The following CAPN13 variants were observed in gnomAD, a reference collection of about 807,000 sequenced individuals.
CAPN13 encodes calpain 13.
In CAPN13, 90 loss-of-function variants were observed where a neutral mutation model predicts 98.4. That is an observed-to-expected ratio of 0.92 (90% CI 0.77 to 1.09). The LOEUF (loss-of-function observed/expected upper bound fraction) is 1.09, where lower values mean the gene tolerates loss of function less well. Ranked by LOEUF, CAPN13 falls within the 50% of genes least tolerant of loss-of-function variation. The pLI is 0.00. For missense variants in CAPN13, 887 were observed against 841.3 expected (o/e 1.05, Z -0.67); for synonymous variants, 330 against 305.5 (o/e 1.08, Z -0.84).
At chr2:30,744,200 G>A (rs1236075031) in intron 12 of CAPN13, among the ~76,000 whole-genome samples, 1 of 152,168 alleles carries the variant, frequency 6.6e-6, no homozygotes, top group African/African-American at 2.4e-5. Flanking sequence ...CCCCACTATA[G>A]TCAAGCATAG....
In CAPN13 at chr2:30,743,492, T is replaced by C; in HGVS notation, c.1336A>G (p.Thr446Ala). 1 of 1,614,000 alleles carries C rather than the reference T, an allele frequency of 6.2e-7. No homozygotes were observed. The highest frequency in any genetic ancestry group is 8.5e-7 in the Non-Finnish European group (1 of 1,179,878). Residue 446 changes from threonine (T) to alanine (A), a missense_variant, in exon 13 of 23, where the codon ACC becomes GCC. Coordinates refer to ENST00000295055, the MANE Select transcript of CAPN13 (RefSeq NM_144575.3). Reference protein sequence around the residue: ...SSNNKFRRNFTMTYHLSPGNY... With the variant: ...SSNNKFRRNFAMTYHLSPGNY... ...CCAGGGCTCAGATGGTAAGTCATGG[T>C]GAAGTTGCGGCGGAATTTATTATTT...
In CAPN13 at chr2:30,751,190, A is replaced by G. The variant is rs766049287; in HGVS notation, c.1149T>C (p.Asn383=). 2 of 1,613,986 alleles carry G rather than the reference A, an allele frequency of 1.2e-6. No homozygotes were observed. Among genetic ancestry groups the G allele is most frequent in the South Asian group, 1.1e-5 (1 of 91,088 alleles). Residue 383 remains asparagine, a synonymous_variant, in exon 11 of 23, where the codon AAT becomes AAC. Coordinates refer to ENST00000295055, the MANE Select transcript of CAPN13 (RefSeq NM_144575.3). ...CAGCAACTGTGACGCACACGACAAC[A>G]TTGGTGCCTTCCATTGGCTCTTGCA... The part of the protein sequence containing the change: ...FSVQEPMEGT[N]VVVCVTVAVT...
chr2:30,740,326 C>A (rs888189146), intron 15 of CAPN13, among the ~76,000 whole-genome samples: 1 of 152,156 alleles, frequency 6.6e-6, no homozygotes, highest in African/African-American at 2.4e-5. Context: ...AATTCCTGAC[C>A]TCCCGATCCA....
intron 5 of CAPN13, among the ~76,000 whole-genome samples, chr2:30,764,822 C>G (rs1442716568): frequency 6.6e-6 from 1 of 152,102 alleles, no homozygotes; most frequent in Non-Finnish European, 1.5e-5. Flanking sequence ...CATTCCTGCC[C>G]TCTAAGAGCT....
intron 2 of CAPN13, among the ~76,000 whole-genome samples, 182 bp from the exon 3 acceptor site, chr2:30,777,821 G>A (rs529942749): frequency 1.2e-4 from 18 of 152,302 alleles, no homozygotes; most frequent in Non-Finnish European, 2.6e-4. Flanking sequence ...CAGGTGTCAC[G>A]GAGTGTAAAT....
chr2:30,778,151 C>T (rs1025092364), intron 2 of CAPN13, among the ~76,000 whole-genome samples: 1 of 152,212 alleles, frequency 6.6e-6, no homozygotes, highest in African/African-American at 2.4e-5. Flanking sequence ...CATGACTCAG[C>T]TCTTTGCCCA....
At chr2:30,797,797 T>C (rs17010320) in intron 1 of CAPN13, among the ~76,000 whole-genome samples, 2,612 of 152,252 alleles carry the variant, frequency 0.017, 71 homozygotes, top group African/African-American at 0.06. Context: ...CTGGCAGAAA[T>C]ACTGGGTGCA....
chr2:30,722,966 C>T lies in CAPN13; in HGVS notation c.*301G>A, dbSNP rs929642258. ...CTGGTGACAGGGGACTCAGAGACAA[C>T]TTCTCTTCTCCTTTCCCACAGGGAG... is the stretch of plus-strand genomic sequence containing the variant. On this transcript the variant is annotated 3_prime_UTR_variant, in exon 23 of 23. Coordinates refer to ENST00000295055, the MANE Select transcript of CAPN13 (RefSeq NM_144575.3). 5 of 152,248 alleles carry T rather than the reference C, an allele frequency of 3.3e-5. No homozygotes were observed. The highest frequency in any genetic ancestry group is 9.6e-5 in the African/African-American group (4 of 41,464). 9.4% of individuals were successfully genotyped at this position (152,248 alleles called of 1,614,324 possible).
intron 22 of CAPN13, among the ~76,000 whole-genome samples, chr2:30,726,878 A>G (rs1262390495): frequency 6.6e-6 from 1 of 152,226 alleles, no homozygotes; most frequent in African/African-American, 2.4e-5. Context: ...CAAGGAACCC[A>G]GAAGAGCCAA....
intron 19 of CAPN13, among the ~76,000 whole-genome samples, chr2:30,733,572 G>A (rs929886498): frequency 6.6e-5 from 10 of 152,176 alleles, no homozygotes; most frequent in Non-Finnish European, 1.0e-4. Flanking sequence ...GCAAATTCCT[G>A]AGCCCCACCC....
At position 30,764,288 on chromosome 2, in the gene CAPN13, G is replaced by A. The variant is rs199556489; in HGVS notation, c.543C>T (p.Ser181=). The change falls in exon 6 of 23, where the codon TCC becomes TCT. Residue 181 remains serine, a synonymous_variant. Coordinates refer to ENST00000295055, the MANE Select transcript of CAPN13 (RefSeq NM_144575.3). ...CCTCGAGGAAGCCATAGTGCAGATC[G>A]GAATAGGATCCGAGCAGCCTGGGAG... is the stretch of plus-strand genomic sequence containing the variant. ...KAYAKLLGSY[S]DLHYGFLEDA... 1.7e-5 allele frequency: 28 copies of A among 1,613,758 alleles called. No individual in the cohort carries two copies. The Middle Eastern group carries it at 8.3e-4, about 48-fold the overall frequency.
chr2:30,752,241 A>C (rs1572816909), intron 10 of CAPN13, among the ~76,000 whole-genome samples: 1 of 152,214 alleles, frequency 6.6e-6, no homozygotes, highest in Admixed American at 6.5e-5. Flanking sequence ...GCAGGTGCCC[A>C]GAGGAAGGGA....
chr2:30,778,424 C>G (rs1285750694), intron 2 of CAPN13, among the ~76,000 whole-genome samples: 1 of 152,196 alleles, frequency 6.6e-6, no homozygotes, highest in South Asian at 2.1e-4. Context: ...TGGCTTCTGC[C>G]CCAGCACCAG....
chr2:30,794,763 A>G (rs944046923), intron 1 of CAPN13, among the ~76,000 whole-genome samples: 7 of 151,998 alleles, frequency 4.6e-5, no homozygotes, highest in Admixed American at 6.6e-5. Context: ...TCATTATGCT[A>G]TGTGAAAGCC....
At chr2:30,735,448 T>C (rs1671310347) in intron 18 of CAPN13, among the ~76,000 whole-genome samples, 1 of 152,226 alleles carries the variant, frequency 6.6e-6, no homozygotes, top group African/African-American at 2.4e-5. Flanking sequence ...CTTATTCGGC[T>C]TTTGGTGAGT....
At chr2:30,764,547 G>A (rs1673016532) in intron 5 of CAPN13, among the ~76,000 whole-genome samples, 1 of 152,172 alleles carries the variant, frequency 6.6e-6, no homozygotes, top group Non-Finnish European at 1.5e-5. Context: ...AGTCCCATAA[G>A]TGGCAGCACT....
chr2:30,758,010 C>T (rs753810652), intron 8 of CAPN13, 36 bp downstream of exon 8: 2 of 1,524,092 alleles, frequency 1.3e-6, no homozygotes, highest in South Asian at 1.2e-5. Context: ...ACCAAGCGCT[C>T]TGTGAAGGAT....
chr2:30,778,019 T>C (rs1214282895), intron 2 of CAPN13, among the ~76,000 whole-genome samples: 3 of 152,230 alleles, frequency 2.0e-5, no homozygotes, highest in Non-Finnish European at 1.5e-5. Context: ...ATAAACATAA[T>C]AAAGTACTAT....
At chr2:30,753,026 C>A (rs1558308961) in intron 10 of CAPN13, 27 bp downstream of exon 10, 1 of 1,612,180 alleles carries the variant, frequency 6.2e-7, no homozygotes. Context: ...TCCAGTTGGG[C>A]AGTGTGACCA....
Sources: gnomAD v4.1 joint callset for allele counts (sites outside exome capture counted in the v4.1 genomes callset) on GRCh38, gnomAD v4.1.1 for gene constraint, MANE v1.5 for transcripts, NCBI Gene and HGNC (gene_info 2026-07-23, HGNC 2026-07-21) for gene names.